HIVEP2: variants seen among roughly 807,000 people sequenced by gnomAD.
HIVEP2 encodes the protein HIVEP zinc finger 2, also known as transcription factor HIVEP2.
A neutral mutation model predicts 180.7 loss-of-function variants in HIVEP2; 14 were observed. The ratio of observed to expected loss-of-function variants is 0.08; its 90% CI spans 0.05 to 0.12. The LOEUF (loss-of-function observed/expected upper bound fraction) is 0.12, where lower values mean the gene tolerates loss of function less well. HIVEP2 is among the 10% of genes least tolerant of loss of function. HIVEP2 has a pLI of 1.00. For missense variants in HIVEP2, 2,579 were observed against 3,008.5 expected (o/e 0.86, Z 3.34); for synonymous variants, 1,184 against 1,136.4 (o/e 1.04, Z -0.84).
intron 1 of HIVEP2, among the ~76,000 whole-genome samples, chr6:142,914,447 C>T (rs776590660): frequency 2.6e-5 from 4 of 152,060 alleles, no homozygotes; most frequent in African/African-American, 9.7e-5. Flanking sequence ...TTTAGAATAG[C>T]GGTTGGTCTT....
intron 2 of HIVEP2, among the ~76,000 whole-genome samples, chr6:142,799,629 A>C (rs1438168660): frequency 6.6e-6 from 1 of 152,156 alleles, no homozygotes; most frequent in Non-Finnish European, 1.5e-5. Context: ...AAAAATCAAC[A>C]CCTGCTGAAA....
intron 9 of HIVEP2, among the ~76,000 whole-genome samples, chr6:142,758,441 TA>T (rs1775135334): frequency 6.6e-6 from 1 of 152,130 alleles, no homozygotes; most frequent in Non-Finnish European, 1.5e-5. Context: ...AGGGCAGTGA[TA>T]AAACAGAGCT....
intron 1 of HIVEP2, among the ~76,000 whole-genome samples, chr6:142,936,147 A>G (rs913189963): frequency 6.6e-6 from 1 of 151,102 alleles, no homozygotes; most frequent in Non-Finnish European, 1.5e-5. Flanking sequence ...TTTGTAAACC[A>G]TTTTTTTCTT....
intron 1 of HIVEP2, among the ~76,000 whole-genome samples, chr6:142,846,362 C>T (rs1416311407): frequency 2.6e-5 from 4 of 152,240 alleles, no homozygotes; most frequent in Non-Finnish European, 5.9e-5. Flanking sequence ...TTAATGCACT[C>T]TGGTCCTTCC....
In HIVEP2 at chr6:142,760,649, T is replaced by C. The variant is rs1775207479; in HGVS notation, c.5639A>G (p.His1880Arg). 6.3e-7 allele frequency: 1 copy of C among 1,595,748 alleles called. No individual in the cohort carries two copies. The highest frequency in any genetic ancestry group is 8.5e-7 in the Non-Finnish European group (1 of 1,171,964). ...CATGCTATGCTTCTCTGCTGCTTTG[T>C]GCAAATCTTCCAAATTTTCTGAAAC... ...TEEAENLEDL[H>R]KAAEKHSMSS... Residue 1880 changes from histidine (H) to arginine (R), a missense_variant, in exon 9 of 10, where the codon CAC becomes CGC. Transcript: ENST00000367603.
rs571982056 is a variant in HIVEP2 at position 142,756,416 on chromosome 6, C to T, written c.6517-2485G>A. Among the ~76,000 whole-genome samples the T allele has an allele frequency of 8.5e-5, 13 of 152,290 alleles. No homozygotes were observed. In the South Asian group the frequency reaches 2.7e-3, roughly 32 times the overall value. ...GGAGGCTTGTCTGCCCACTACATTCCTTACAGCTGAATGGCACGTTCTTTC... is the reference window on the plus strand; with the variant it reads ...GGAGGCTTGTCTGCCCACTACATTCTTTACAGCTGAATGGCACGTTCTTTC... On this transcript the variant is annotated intron_variant, in intron 9 of 9. Coordinates refer to ENST00000367603, the MANE Select transcript of HIVEP2 (RefSeq NM_006734.4).
chr6:142,792,614 G>A (rs188896703), intron 2 of HIVEP2, among the ~76,000 whole-genome samples: 2 of 152,060 alleles, frequency 1.3e-5, no homozygotes, highest in African/African-American at 4.8e-5. Context: ...AAGCATGCGG[G>A]GCTTAAAACC....
intron 1 of HIVEP2, among the ~76,000 whole-genome samples, chr6:142,912,739 T>C (rs949700615): frequency 6.6e-6 from 1 of 152,232 alleles, no homozygotes; most frequent in Non-Finnish European, 1.5e-5. Context: ...ATCTAATGTC[T>C]GATGATCTGA....
chr6:142,938,215 AC>A (rs1452221135), intron 1 of HIVEP2, among the ~76,000 whole-genome samples: 1 of 151,506 alleles, frequency 6.6e-6, no homozygotes, highest in African/African-American at 2.4e-5. Flanking sequence ...CGTCCCTCCC[AC>A]CCCCACTCCT....
chr6:142,933,625 A>T (rs1582976251), intron 1 of HIVEP2, among the ~76,000 whole-genome samples: 2 of 152,192 alleles, frequency 1.3e-5, no homozygotes, highest in Non-Finnish European at 2.9e-5. Context: ...CCATTTTCAG[A>T]CATCATTAGG....
chr6:142,842,446 A>G (rs1270222563), intron 1 of HIVEP2, among the ~76,000 whole-genome samples: 1 of 152,134 alleles, frequency 6.6e-6, no homozygotes, highest in Non-Finnish European at 1.5e-5. Context: ...GAAAGGGAAG[A>G]GAAGGACAAA....
rs555802714 is a variant in HIVEP2 at position 142,794,517 on chromosome 6, G to T, written c.-527-10902C>A. Among the ~76,000 whole-genome samples, 6 of 152,226 alleles carry T rather than the reference G, an allele frequency of 3.9e-5. No individual in the cohort carries two copies. The East Asian group carries it at 1.2e-3, about 29-fold the overall frequency. ...AGCTTTCGTAAATATAACAGAAAAG[G>T]TACATATAACATAACTGGATAGGAG... On this transcript the variant is annotated intron_variant, in intron 2 of 9. Coordinates refer to ENST00000367603, the MANE Select transcript of HIVEP2 (RefSeq NM_006734.4).
intron 1 of HIVEP2, among the ~76,000 whole-genome samples, chr6:142,936,770 G>A (rs1231764619): frequency 6.6e-6 from 1 of 151,524 alleles, no homozygotes; most frequent in Non-Finnish European, 1.5e-5. Context: ...GACTGAATTA[G>A]CCATAAAAAG....
chr6:142,755,015 G>T (rs1775028166), intron 9 of HIVEP2, among the ~76,000 whole-genome samples: 1 of 152,158 alleles, frequency 6.6e-6, no homozygotes, highest in Admixed American at 6.5e-5. Context: ...TAGATAGATA[G>T]ATATAAACCC....
chr6:142,922,171 A>G (rs1777699127), intron 1 of HIVEP2, among the ~76,000 whole-genome samples: 1 of 151,730 alleles, frequency 6.6e-6, no homozygotes, highest in East Asian at 1.9e-4. Flanking sequence ...AATTCCCCAA[A>G]CTCGCTATGC....
chr6:142,872,939 A>C (rs567396990), intron 1 of HIVEP2, among the ~76,000 whole-genome samples: 2 of 152,294 alleles, frequency 1.3e-5, no homozygotes, highest in African/African-American at 4.8e-5. Context: ...CAGCATCTAC[A>C]ATCCCAACTT....
intron 1 of HIVEP2, among the ~76,000 whole-genome samples, chr6:142,883,419 G>C (rs1167017987): frequency 6.6e-6 from 1 of 152,034 alleles, no homozygotes; most frequent in African/African-American, 2.4e-5. Flanking sequence ...AATAAGCACA[G>C]TGCAATCAAC....
At chr6:142,862,837 T>A (rs1242832607) in intron 1 of HIVEP2, among the ~76,000 whole-genome samples, 48 of 134,034 alleles carry the variant, frequency 3.6e-4, no homozygotes, top group African/African-American at 1.1e-3. Context: ...ATATATAAAT[T>A]ATATATATTT....
intron 1 of HIVEP2, among the ~76,000 whole-genome samples, chr6:142,903,270 T>C (rs1777176042): frequency 6.6e-6 from 1 of 152,252 alleles, no homozygotes; most frequent in Non-Finnish European, 1.5e-5. Flanking sequence ...GCCCTTGCTG[T>C]TGATTGAATG....
Sources: gnomAD v4.1 joint callset for allele counts (sites outside exome capture counted in the v4.1 genomes callset) on GRCh38, gnomAD v4.1.1 for gene constraint, MANE v1.5 for transcripts, NCBI Gene and HGNC (gene_info 2026-07-23, HGNC 2026-07-21) for gene names.